IMMP2L: variants seen among roughly 807,000 people sequenced by gnomAD.
The protein encoded by IMMP2L is inner mitochondrial membrane peptidase subunit 2, also known as mitochondrial inner membrane protease subunit 2.
A neutral mutation model predicts 19.3 loss-of-function variants in IMMP2L; 18 were observed. The ratio of observed to expected loss-of-function variants is 0.93; its 90% CI spans 0.64 to 1.38. The LOEUF (loss-of-function observed/expected upper bound fraction) is 1.38. Ranked by LOEUF, IMMP2L falls within the 40% of genes most tolerant of loss-of-function variation. The pLI, the probability that IMMP2L is intolerant of heterozygous loss-of-function variation, is 0.00. For synonymous variants in IMMP2L, 76 were observed against 73.0 expected (o/e 1.04, Z -0.21); for missense variants, 233 against 218.2 (o/e 1.07, Z -0.43).
chr7:111,258,696 G>A (rs1816988650), intron 3 of IMMP2L, among the ~76,000 whole-genome samples: 1 of 151,894 alleles, frequency 6.6e-6, no homozygotes, highest in South Asian at 2.1e-4. Context: ...AGTAGAGATG[G>A]GGTTGCGCCA....
At chr7:111,196,152 G>A (rs943557529) in intron 3 of IMMP2L, among the ~76,000 whole-genome samples, 4 of 152,078 alleles carry the variant, frequency 2.6e-5, no homozygotes, top group African/African-American at 9.7e-5. Context: ...GGGATTATAG[G>A]CATAAGGGGC....
chr7:111,453,844 A>T (rs527758723), intron 3 of IMMP2L, among the ~76,000 whole-genome samples: 1 of 152,190 alleles, frequency 6.6e-6, no homozygotes, highest in East Asian at 1.9e-4. Context: ...ATTGCCTTAT[A>T]ATAAGCACTC....
chr7:111,474,886 T>C (rs1445136554), intron 3 of IMMP2L, among the ~76,000 whole-genome samples: 1 of 152,138 alleles, frequency 6.6e-6, no homozygotes. Context: ...TACTTAATTC[T>C]ATGGTAAAAT....
Position 111,122,761 on chromosome 7 carries a change from A to C in IMMP2L, c.240-159196T>G, listed in dbSNP as rs543293949. ...TTAAGGGCCCATTACATTTCTGAAG[A>C]AGAAAGCTAAGATGAAGGACATGCC... On this transcript the variant is annotated intron_variant, in intron 3 of 5. Coordinates refer to ENST00000405709, the MANE Select transcript of IMMP2L (RefSeq NM_032549.4). 1.1e-5 allele frequency: 17 copies of C among 1,601,936 alleles called. No homozygotes were observed. The African/African-American group carries it at 1.3e-4, about 13-fold the overall frequency.
At chr7:110,797,132 G>C (rs917296576) in intron 5 of IMMP2L, among the ~76,000 whole-genome samples, 3 of 151,832 alleles carry the variant, frequency 2.0e-5, no homozygotes, top group African/African-American at 7.3e-5. Flanking sequence ...AGAGCAAGGT[G>C]ATCTTTCATG....
At chr7:110,740,573 A>T (rs996619108) in intron 5 of IMMP2L, among the ~76,000 whole-genome samples, 1 of 152,138 alleles carries the variant, frequency 6.6e-6, no homozygotes, top group African/African-American at 2.4e-5. Flanking sequence ...AATGGTAATT[A>T]AAAAAACTGC....
chr7:110,779,548 T>C (rs1196733428), intron 5 of IMMP2L, among the ~76,000 whole-genome samples: 1 of 151,908 alleles, frequency 6.6e-6, no homozygotes, highest in Non-Finnish European at 1.5e-5. Context: ...TGTGTGTAGC[T>C]AGTTCTTAAA....
At chr7:110,927,975 T>C (rs1472181265) in intron 4 of IMMP2L, among the ~76,000 whole-genome samples, 1 of 152,068 alleles carries the variant, frequency 6.6e-6, no homozygotes, top group Non-Finnish European at 1.5e-5. Context: ...TTTCTTGATA[T>C]GTTTCCTCTC....
intron 3 of IMMP2L, among the ~76,000 whole-genome samples, chr7:111,093,974 T>C (rs919940851): frequency 1.3e-5 from 2 of 152,160 alleles, no homozygotes; most frequent in African/African-American, 4.8e-5. Flanking sequence ...GTTAATGGCT[T>C]AATAAACGGT....
At chr7:111,440,783 T>G (rs909188144) in intron 3 of IMMP2L, among the ~76,000 whole-genome samples, 1 of 151,926 alleles carries the variant, frequency 6.6e-6, no homozygotes, top group Admixed American at 6.5e-5. Context: ...AGATGGTATC[T>G]TCTTCCTATA....
intron 2 of IMMP2L, among the ~76,000 whole-genome samples, chr7:111,503,183 C>A (rs915236447): frequency 2.6e-5 from 4 of 152,102 alleles, no homozygotes; most frequent in African/African-American, 9.7e-5. Context: ...TCAGAGAATA[C>A]TACAAACACC....
At chr7:110,820,968 A>T (rs1802974125) in intron 5 of IMMP2L, among the ~76,000 whole-genome samples, 1 of 152,048 alleles carries the variant, frequency 6.6e-6, no homozygotes, top group African/African-American at 2.4e-5. Flanking sequence ...AATGCTTATG[A>T]TGTTACTGTC....
intron 3 of IMMP2L, among the ~76,000 whole-genome samples, chr7:111,403,671 G>A (rs1346278951): frequency 6.6e-6 from 1 of 151,998 alleles, no homozygotes; most frequent in African/African-American, 2.4e-5. Flanking sequence ...AAGTTAAGCA[G>A]CTATTCCAAA....
intron 3 of IMMP2L, among the ~76,000 whole-genome samples, chr7:111,398,832 T>C (rs137913659): frequency 0.02 from 3,032 of 148,400 alleles, 105 homozygotes; most frequent in African/African-American, 0.072. Context: ...ACACCAACAG[T>C]GACCAAGCAG....
At chr7:110,851,974 A>G (rs550038560) in intron 5 of IMMP2L, among the ~76,000 whole-genome samples, 2 of 152,140 alleles carry the variant, frequency 1.3e-5, no homozygotes, top group South Asian at 2.1e-4. Flanking sequence ...TGAGTGATCA[A>G]CCAATGAAAT....
intron 4 of IMMP2L, among the ~76,000 whole-genome samples, chr7:110,921,646 C>T (rs1814299917): frequency 6.6e-6 from 1 of 152,156 alleles, no homozygotes; most frequent in African/African-American, 2.4e-5. Context: ...TTCTTCTGTT[C>T]TCCTATTCAG....
intron 3 of IMMP2L, among the ~76,000 whole-genome samples, chr7:111,282,441 A>C (rs563281902): frequency 1.3e-5 from 2 of 152,352 alleles, no homozygotes; most frequent in South Asian, 2.1e-4. Flanking sequence ...TAAAAGAGCC[A>C]ATCAATCAGG....
At chr7:110,917,754 A>G (rs888238213) in intron 4 of IMMP2L, among the ~76,000 whole-genome samples, 1 of 152,206 alleles carries the variant, frequency 6.6e-6, no homozygotes, top group African/African-American at 2.4e-5. Flanking sequence ...AACCATGTTA[A>G]TGTATTATCT....
intron 3 of IMMP2L, among the ~76,000 whole-genome samples, chr7:111,035,602 C>T (rs1169401702): frequency 2.0e-5 from 3 of 152,128 alleles, no homozygotes; most frequent in Non-Finnish European, 2.9e-5. Context: ...TATACCAACG[C>T]TAGCAATAAT....
Sources: gnomAD v4.1 joint callset for allele counts (sites outside exome capture counted in the v4.1 genomes callset) on GRCh38, gnomAD v4.1.1 for gene constraint, MANE v1.5 for transcripts, NCBI Gene and HGNC (gene_info 2026-07-23, HGNC 2026-07-21) for gene names.